TRPM7: variants seen among roughly 807,000 people sequenced by gnomAD.
TRPM7 encodes LTRPC ion channel family member 7.
A neutral mutation model predicts 229.7 loss-of-function variants in TRPM7; 134 were observed. The ratio of observed to expected loss-of-function variants is 0.58; its 90% CI spans 0.51 to 0.67. The LOEUF (loss-of-function observed/expected upper bound fraction) is 0.67, where lower values mean the gene tolerates loss of function less well. TRPM7 is among the 30% of genes least tolerant of loss of function. TRPM7 has a pLI of 0.00. For missense variants in TRPM7, 1,901 were observed against 2,210.0 expected (o/e 0.86, Z 2.80); for synonymous variants, 699 against 715.2 (o/e 0.98, Z 0.36).
intron 1 of TRPM7, among the ~76,000 whole-genome samples, chr15:50,673,250 T>C (rs28789498): frequency 0.022 from 3,317 of 152,228 alleles, 118 homozygotes; most frequent in African/African-American, 0.077. Flanking sequence ...TATACACCTA[T>C]ACTATTTTTT....
chr15:50,613,850 G>A lies in TRPM7; in HGVS notation c.1636-9C>T, dbSNP rs777941096. 3.7e-6 allele frequency: 6 copies of A among 1,605,098 alleles called. No homozygotes were observed. Among genetic ancestry groups the A allele is most frequent in the Non-Finnish European group, 5.1e-6 (6 of 1,177,948 alleles). On this transcript the variant is annotated splice_polypyrimidine_tract_variant and intron_variant, in intron 14 of 38. Coordinates refer to ENST00000646667, the MANE Select transcript of TRPM7 (RefSeq NM_017672.6). Reference sequence around the variant, plus strand: ...GTATTTCGGCCAGACCTCTGAAAATGAGATCTTATTAGCTTTTATAGATTT... The same window carrying A: ...GTATTTCGGCCAGACCTCTGAAAATAAGATCTTATTAGCTTTTATAGATTT...
At chr15:50,649,437 CA>C (rs541168300) in intron 3 of TRPM7, among the ~76,000 whole-genome samples, 221 of 92,676 alleles carry the variant, frequency 2.4e-3, no homozygotes, top group Non-Finnish European at 2.3e-3. Flanking sequence ...GACCCCAACT[CA>C]AAAAAAAAAA....
At chr15:50,623,458 G>C (rs990964763) in intron 12 of TRPM7, among the ~76,000 whole-genome samples, 9 of 151,098 alleles carry the variant, frequency 6.0e-5, no homozygotes, top group African/African-American at 2.2e-4. Context: ...TAAATAGTAG[G>C]TAGACATTTA....
At chr15:50,673,580 G>T (rs2062035748) in intron 1 of TRPM7, among the ~76,000 whole-genome samples, 1 of 151,952 alleles carries the variant, frequency 6.6e-6, no homozygotes, top group Non-Finnish European at 1.5e-5. Flanking sequence ...TCTCATCCAG[G>T]TCACTGTGAA....
intron 26 of TRPM7, among the ~76,000 whole-genome samples, chr15:50,590,841 AGG>A (rs71124382): frequency 4.0e-5 from 6 of 149,870 alleles, no homozygotes; most frequent in Non-Finnish European, 8.9e-5. Context: ...AAAAAAAAAA[AGG>A]GGGAATATAT....
At chr15:50,637,363 T>G (rs914100588) in intron 7 of TRPM7, 59 bp downstream of exon 7, 2 of 1,475,928 alleles carry the variant, frequency 1.4e-6, no homozygotes, top group South Asian at 1.3e-5. Context: ...TTCTTTGAAT[T>G]TGGCTATTAG....
Position 50,560,515 on chromosome 15 carries a change from G to T in TRPM7, c.*1163C>A, listed in dbSNP as rs907465992. ...CCCTTCCAAATAAAAATTAAAATTA[G>T]TACCAAGGAAACAAAAGAAAAAGAA... On this transcript the variant is annotated 3_prime_UTR_variant, in exon 39 of 39. Transcript: ENST00000646667. 4.0e-5 allele frequency: 6 copies of T among 149,122 alleles called. No homozygotes were observed. Among genetic ancestry groups the T allele is most frequent in the African/African-American group, 1.5e-4 (6 of 40,196 alleles). The allele number at this position is 149,122 out of a possible 1,614,324, so 9.2% of individuals were successfully genotyped here.
At chr15:50,569,673 A>G (rs557134231) in intron 38 of TRPM7, among the ~76,000 whole-genome samples, 3 of 152,352 alleles carry the variant, frequency 2.0e-5, no homozygotes, top group African/African-American at 7.2e-5. Flanking sequence ...CATTCTGCAG[A>G]CACATAATAT....
chr15:50,574,896 A>C lies in TRPM7; in HGVS notation c.4975T>G (p.Ser1659Ala), dbSNP rs2141505271. ...ACTGTATCTTCTTTGTAAATACTTG[A>C]CCATGTATTAACCACCTCTGGAAGA... ...SFLPEVVNTW[S>A]SIYKEDTVLH... The change falls in exon 34 of 39, where the codon TCA becomes GCA. Residue 1659 changes from serine to alanine, a missense_variant. Around this residue, in one of 8 missense-constraint regions of TRPM7, gnomAD observed 257 missense variants for 352.0 expected, o/e 0.73. Transcript: ENST00000646667. 6.2e-7 allele frequency: 1 copy of C among 1,613,332 alleles called. No homozygotes were observed. The highest frequency in any genetic ancestry group is 1.1e-5 in the South Asian group (1 of 91,062).
At chr15:50,623,488 C>CCCCCT (rs2060474918) in intron 12 of TRPM7, among the ~76,000 whole-genome samples, 2 of 85,516 alleles carry the variant, frequency 2.3e-5, no homozygotes, top group Admixed American at 1.3e-4. Flanking sequence ...TGCTGCCCCG[C>CCCCCT]CCCCTCCCCG....
At position 50,657,818 on chromosome 15, in the gene TRPM7, A is replaced by G; in HGVS notation, c.85T>C (p.Cys29Arg). ...IIPSSKDPHR[C>R]LPGCQICQQL... The stretch of plus-strand genomic sequence containing the variant: ...TGACAAATTTGACATCCTGGAAGGC[A>G]TCTATTGAACACAAAAAGGTAAATA... The change falls in exon 3 of 39, where the codon TGC (cysteine) becomes CGC (arginine). Residue 29 changes from cysteine (C) to arginine (R), a missense_variant and splice_region_variant. Transcript: ENST00000646667. 1 of 1,611,342 alleles carries G rather than the reference A, an allele frequency of 6.2e-7. No homozygotes were observed. Among genetic ancestry groups the G allele is most frequent in the Non-Finnish European group, 8.5e-7 (1 of 1,178,142 alleles).
At chr15:50,634,205 C>T (rs1039435691) in intron 8 of TRPM7, among the ~76,000 whole-genome samples, 177 bp downstream of exon 8, 1 of 152,058 alleles carries the variant, frequency 6.6e-6, no homozygotes, top group Non-Finnish European at 1.5e-5. Context: ...CATGTAATCC[C>T]AGCTAATTGG....
chr15:50,575,487 T>A (rs1368141140), intron 33 of TRPM7, among the ~76,000 whole-genome samples: 2 of 152,192 alleles, frequency 1.3e-5, no homozygotes, highest in Admixed American at 6.5e-5. Flanking sequence ...GATCAAGAAC[T>A]TTTTAGAATT....
At chr15:50,569,783 T>C (rs2141470427) in intron 38 of TRPM7, 104 bp downstream of exon 38, 1 of 594,002 alleles carries the variant, frequency 1.7e-6, no homozygotes, top group Non-Finnish European at 2.8e-6. Flanking sequence ...CTGGCACAAT[T>C]AGAGACCATT....
chr15:50,684,466 C>T (rs1231069723), intron 1 of TRPM7, among the ~76,000 whole-genome samples: 1 of 151,962 alleles, frequency 6.6e-6, no homozygotes, highest in East Asian at 1.9e-4. Context: ...TATGACGAAA[C>T]CCCATCTCCA....
At chr15:50,601,843 A>T (rs7166975) in intron 21 of TRPM7, among the ~76,000 whole-genome samples, 2,111 of 152,046 alleles carry the variant, frequency 0.014, 47 homozygotes, top group African/African-American at 0.049. Context: ...GCACTAGCCT[A>T]TAAAGTGTGA....
At chr15:50,662,096 T>C (rs975529943) in intron 2 of TRPM7, among the ~76,000 whole-genome samples, 2 of 152,140 alleles carry the variant, frequency 1.3e-5, no homozygotes, top group Non-Finnish European at 2.9e-5. Flanking sequence ...GGCTCACGCC[T>C]GTAATCCCAG....
At chr15:50,604,360 G>A (rs62017168) in intron 21 of TRPM7, 3,580 of 152,458 alleles carry the variant, frequency 0.023, 61 homozygotes, top group Non-Finnish European at 0.037. Context: ...ATCATCTGAG[G>A]TCAGGAGTTT....
At chr15:50,654,616 AC>A (rs993538326) in intron 3 of TRPM7, among the ~76,000 whole-genome samples, 3 of 151,534 alleles carry the variant, frequency 2.0e-5, no homozygotes, top group Non-Finnish European at 4.4e-5. Context: ...ATGAGAGTGC[AC>A]ATGGTGCATC....
Sources: allele counts gnomAD v4.1 joint callset (sites outside exome capture counted in the v4.1 genomes callset), GRCh38; gene constraint gnomAD v4.1.1; regional missense constraint gnomAD v4.1.1; transcripts MANE v1.5; gene names NCBI Gene and HGNC (gene_info 2026-07-23, HGNC 2026-07-21).